DLG2: variants seen among roughly 807,000 people sequenced by gnomAD.
The protein encoded by DLG2 is discs large MAGUK scaffold protein 2.
Under a neutral mutation model 132.5 loss-of-function variants are expected in DLG2, and 45 were observed. The observed-to-expected ratio is 0.34, with a 90% CI of 0.27 to 0.44. The LOEUF is 0.44. DLG2 is among the 20% of genes least tolerant of loss of function. The probability of loss-of-function intolerance (pLI) is 1.00; values close to 1 mark genes in which losing one functional copy is unlikely to be tolerated. For synonymous variants in DLG2, 424 were observed against 419.6 expected, an observed-to-expected ratio of 1.01 and a Z score of -0.13; for missense variants, 1,045 against 1,196.9, an observed-to-expected ratio of 0.87 and a Z score of 1.87.
At chr11:85,015,286 CTG>C (rs1300535616) in intron 6 of DLG2, among the ~76,000 whole-genome samples, 1 of 152,062 alleles carries the variant, frequency 6.6e-6, no homozygotes, top group African/African-American at 2.4e-5. Context: ...TCTAAACACA[CTG>C]TCTATTTGCA....
At chr11:85,516,101 C>T (rs2094163510) in intron 3 of DLG2, among the ~76,000 whole-genome samples, 1 of 151,980 alleles carries the variant, frequency 6.6e-6, no homozygotes. Context: ...TATCAAGTCA[C>T]TTCTCAGACC....
chr11:83,936,404 C>T (rs1371020024), intron 14 of DLG2, among the ~76,000 whole-genome samples: 1 of 152,168 alleles, frequency 6.6e-6, no homozygotes, highest in Non-Finnish European at 1.5e-5. Context: ...CCGATTTGTA[C>T]CTGGATCTTT....
intron 7 of DLG2, among the ~76,000 whole-genome samples, chr11:84,336,804 A>G (rs1419698354): frequency 6.6e-6 from 1 of 152,198 alleles, no homozygotes; most frequent in African/African-American, 2.4e-5. Flanking sequence ...ACTATAGCAG[A>G]AACAGAGGAG....
At chr11:85,151,191 T>C (rs1032307265) in intron 5 of DLG2, among the ~76,000 whole-genome samples, 31 of 152,310 alleles carry the variant, frequency 2.0e-4, no homozygotes, top group Non-Finnish European at 3.8e-4. Context: ...ATTCAAGTCT[T>C]TTGTCCATTT....
intron 9 of DLG2, among the ~76,000 whole-genome samples, chr11:84,146,816 C>G (rs1336495288): frequency 6.6e-6 from 1 of 152,012 alleles, no homozygotes; most frequent in African/African-American, 2.4e-5. Context: ...GTGGTGGTTT[C>G]TGATTGGGTC....
intron 6 of DLG2, among the ~76,000 whole-genome samples, chr11:84,641,895 T>A (rs2099666852): frequency 6.6e-6 from 1 of 151,508 alleles, no homozygotes; most frequent in African/African-American, 2.4e-5. Context: ...TGTCAAAGAA[T>A]GAAACTGTAC....
At chr11:84,126,731 A>G (rs1463828043) in intron 9 of DLG2, among the ~76,000 whole-genome samples, 2 of 152,202 alleles carry the variant, frequency 1.3e-5, no homozygotes, top group African/African-American at 4.8e-5. Context: ...AAAGATAAAA[A>G]TTAGACTATG....
intron 3 of DLG2, among the ~76,000 whole-genome samples, chr11:85,500,170 A>G (rs2093763663): frequency 6.6e-6 from 1 of 152,132 alleles, no homozygotes; most frequent in African/African-American, 2.4e-5. Context: ...CCCTTTGCAG[A>G]TGACATGATT....
chr11:85,064,890 T>TTC (rs879539026), intron 6 of DLG2, among the ~76,000 whole-genome samples: 2 of 150,736 alleles, frequency 1.3e-5, no homozygotes, highest in East Asian at 2.0e-4. Flanking sequence ...CTCTCTCTCT[T>TTC]TCTCTCTCTC....
chr11:83,473,868 C>CTGTT (rs2092356867), intron 22 of DLG2, among the ~76,000 whole-genome samples: 1 of 152,074 alleles, frequency 6.6e-6, no homozygotes, highest in African/African-American at 2.4e-5. Flanking sequence ...ATATGATCGA[C>CTGTT]TGTTTTGATA....
At chr11:85,383,241 T>G (rs1471824836) in intron 3 of DLG2, among the ~76,000 whole-genome samples, 1 of 152,180 alleles carries the variant, frequency 6.6e-6, no homozygotes, top group Non-Finnish European at 1.5e-5. Flanking sequence ...ACATGTTGTA[T>G]GATTTCATTT....
At chr11:85,036,036 C>A (rs1188925214) in intron 6 of DLG2, among the ~76,000 whole-genome samples, 1 of 152,184 alleles carries the variant, frequency 6.6e-6, no homozygotes, top group Non-Finnish European at 1.5e-5. Flanking sequence ...CTATTTCTGT[C>A]ATTTTCTATT....
At chr11:85,150,360 T>C (rs1594856521) in intron 5 of DLG2, among the ~76,000 whole-genome samples, 2 of 152,146 alleles carry the variant, frequency 1.3e-5, no homozygotes, top group South Asian at 4.1e-4. Context: ...AAGAACCACA[T>C]AACCTTAAAT....
At chr11:84,561,204 A>C (rs182575508) in intron 6 of DLG2, among the ~76,000 whole-genome samples, 16 of 152,222 alleles carry the variant, frequency 1.1e-4, no homozygotes, top group Admixed American at 5.2e-4. Context: ...TCTGGTCATT[A>C]TGCTAACTCT....
chr11:83,658,416 T>C (rs1391131724), intron 18 of DLG2, among the ~76,000 whole-genome samples: 1 of 152,228 alleles, frequency 6.6e-6, no homozygotes, highest in Non-Finnish European at 1.5e-5. Context: ...TATATCCAAC[T>C]GTCAGCAAAG....
At chr11:84,267,240 A>C (rs547569959) in intron 7 of DLG2, among the ~76,000 whole-genome samples, 2 of 149,488 alleles carry the variant, frequency 1.3e-5, no homozygotes, top group Admixed American at 1.3e-4. Context: ...TATAGATTAA[A>C]GTAGTTGGTA....
chr11:85,172,078 T>A (rs2078917249), intron 4 of DLG2, among the ~76,000 whole-genome samples: 1 of 152,234 alleles, frequency 6.6e-6, no homozygotes, highest in Non-Finnish European at 1.5e-5. Flanking sequence ...TTCCGCCCAG[T>A]GCAGCACACC....
At chr11:85,556,858 T>A in intron 3 of DLG2, among the ~76,000 whole-genome samples, 1 of 151,776 alleles carries the variant, frequency 6.6e-6, no homozygotes, top group East Asian at 1.9e-4. Flanking sequence ...GTTATCCAAA[T>A]ATAGAGATGA....
At chr11:83,870,182 GGC>G (rs1475301227) in intron 16 of DLG2, among the ~76,000 whole-genome samples, 6 of 152,114 alleles carry the variant, frequency 3.9e-5, no homozygotes, top group Non-Finnish European at 7.3e-5. Flanking sequence ...TTTGTCACAT[GGC>G]CATATTCCAC....
Sources: gnomAD v4.1 joint callset for allele counts (sites outside exome capture counted in the v4.1 genomes callset) on GRCh38, gnomAD v4.1.1 for gene constraint, MANE v1.5 for transcripts, NCBI Gene and HGNC (gene_info 2026-07-23, HGNC 2026-07-21) for gene names.